The following RASGRP1 variants were observed in gnomAD, a reference collection of about 807,000 sequenced individuals.
RASGRP1 encodes the protein RAS guanyl releasing protein 1, also known as RAS guanyl-releasing protein 1.
RASGRP1 carries 37 observed loss-of-function variants against 95.1 expected under a neutral mutation model. The observed-to-expected ratio is 0.39, with a 90% CI of 0.30 to 0.51. The LOEUF is 0.51. Among genes scored for constraint, RASGRP1 ranks in the 20% least tolerant of loss-of-function variants. The pLI is 0.80. For missense variants in RASGRP1, 711 were observed against 965.4 expected (o/e 0.74, Z 3.49); for synonymous variants, 325 against 353.4 (o/e 0.92, Z 0.90).
chr15:38,500,184 T>C, intron 13 of RASGRP1, 45 bp from the exon 14 acceptor site: 7 of 1,598,326 alleles, frequency 4.4e-6, no homozygotes, highest in Non-Finnish European at 6.0e-6. Flanking sequence ...TTCATCCATC[T>C]GGTGTGAGGC....
At chr15:38,548,009 G>A (rs1183254419) in intron 2 of RASGRP1, among the ~76,000 whole-genome samples, 2 of 149,398 alleles carry the variant, frequency 1.3e-5, no homozygotes, top group Non-Finnish European at 3.0e-5. Flanking sequence ...TGGATACCCA[G>A]GAATTGAGCA....
chr15:38,511,351 C>T (rs1040280885), intron 8 of RASGRP1, among the ~76,000 whole-genome samples: 2 of 152,188 alleles, frequency 1.3e-5, no homozygotes, highest in Non-Finnish European at 2.9e-5. Context: ...GGAAGAGGCA[C>T]ACATTGTTTC....
chr15:38,554,161 C>A (rs1481657460), intron 2 of RASGRP1, among the ~76,000 whole-genome samples: 2 of 152,102 alleles, frequency 1.3e-5, no homozygotes, highest in Non-Finnish European at 2.9e-5. Context: ...AGAAAGAACG[C>A]GAACCTCGGG....
At chr15:38,507,684 CACAG>C in intron 9 of RASGRP1, 38 bp downstream of exon 9, 9 of 1,539,180 alleles carry the variant, frequency 5.8e-6, no homozygotes, top group Non-Finnish European at 7.9e-6. Flanking sequence ...GCACCTGGCA[CACAG>C]AAAGTGCTTA....
intron 15 of RASGRP1, among the ~76,000 whole-genome samples, chr15:38,496,952 C>T (rs1328152970): frequency 6.6e-6 from 1 of 152,144 alleles, no homozygotes; most frequent in Admixed American, 6.6e-5. Context: ...ACGATAGTGG[C>T]CTTACCACTT....
intron 2 of RASGRP1, among the ~76,000 whole-genome samples, chr15:38,543,693 A>G (rs548728078): frequency 4.5e-4 from 49 of 107,828 alleles, no homozygotes; most frequent in Non-Finnish European, 7.5e-4. Context: ...CCATCCAGTT[A>G]ATTTTTCTTT....
chr15:38,501,635 C>T (rs1891029359), intron 12 of RASGRP1, among the ~76,000 whole-genome samples: 1 of 152,190 alleles, frequency 6.6e-6, no homozygotes, highest in African/African-American at 2.4e-5. Context: ...TGACTTTAGA[C>T]AGTACCTAAC....
In RASGRP1 at chr15:38,548,308, A is replaced by G. The variant is rs574869335; in HGVS notation, c.220+11513T>C. ...TCGGGTGCAGTGGCTCATGCCTGTA[A>G]TCCCAATACTTTGGAAGGCTGAGGT... On this transcript the variant is annotated intron_variant, in intron 2 of 16. Coordinates refer to ENST00000310803, the MANE Select transcript of RASGRP1 (RefSeq NM_005739.4). Among the ~76,000 whole-genome samples, 9 of 152,286 alleles carry G rather than the reference A, an allele frequency of 5.9e-5. No homozygotes were observed. The South Asian group carries it at 1.9e-3, about 32-fold the overall frequency.
In RASGRP1 at chr15:38,516,723, T is replaced by C. The variant is rs549509372; in HGVS notation, c.522-373A>G. On this transcript the variant is annotated intron_variant, in intron 5 of 16. Coordinates refer to ENST00000310803, the MANE Select transcript of RASGRP1 (RefSeq NM_005739.4). ...ATTCTGCTTGTGTGTTCCTTCATTC[T>C]TGTGTGAATGATAGGGACTCTCTAT... 3.3e-5 allele frequency among the ~76,000 whole-genome samples: 5 copies of C among 151,938 alleles called. No homozygotes were observed. In the East Asian group the frequency reaches 5.8e-4, roughly 18 times the overall value.
chr15:38,535,831 T>C (rs1398852465), intron 2 of RASGRP1, among the ~76,000 whole-genome samples: 3 of 152,222 alleles, frequency 2.0e-5, no homozygotes, highest in African/African-American at 7.2e-5. Flanking sequence ...CTGGCCTTCC[T>C]TGGGGATTGC....
intron 8 of RASGRP1, among the ~76,000 whole-genome samples, chr15:38,509,285 G>A (rs548980031): frequency 6.6e-6 from 1 of 152,264 alleles, no homozygotes; most frequent in Non-Finnish European, 1.5e-5. Context: ...CAAAGTGAGA[G>A]TTACTTGAAC....
intron 8 of RASGRP1, among the ~76,000 whole-genome samples, chr15:38,508,968 G>A (rs1287651561): frequency 6.6e-6 from 1 of 152,168 alleles, no homozygotes; most frequent in Non-Finnish European, 1.5e-5. Context: ...TAACAAACCC[G>A]ATTGCTGTCA....
At chr15:38,519,823 C>T (rs1293448791) in intron 3 of RASGRP1, among the ~76,000 whole-genome samples, 1 of 143,942 alleles carries the variant, frequency 6.9e-6, no homozygotes, top group East Asian at 2.4e-4. Context: ...CACATGTATG[C>T]AGTGAATTCG....
At chr15:38,502,543 CAG>C in intron 11 of RASGRP1, 122 bp from the exon 12 acceptor site, 1 of 629,118 alleles carries the variant, frequency 1.6e-6, no homozygotes, top group Non-Finnish European at 2.8e-6. Flanking sequence ...ACGAGAGGAA[CAG>C]GGAAACCTGC....
At chr15:38,562,862 C>T (rs948908723) in intron 1 of RASGRP1, among the ~76,000 whole-genome samples, 4 of 152,136 alleles carry the variant, frequency 2.6e-5, no homozygotes, top group Non-Finnish European at 4.4e-5. Flanking sequence ...TAAGAGAAAC[C>T]GCTTTGTTTC....
At chr15:38,517,476 T>C (rs1891835220) in intron 5 of RASGRP1, among the ~76,000 whole-genome samples, 1 of 152,170 alleles carries the variant, frequency 6.6e-6, no homozygotes, top group Non-Finnish European at 1.5e-5. Context: ...TGGAATGTAA[T>C]CTTGAAATCA....
chr15:38,543,939 C>T (rs1233739637), intron 2 of RASGRP1, among the ~76,000 whole-genome samples: 1 of 152,000 alleles, frequency 6.6e-6, no homozygotes, highest in African/African-American at 2.4e-5. Flanking sequence ...CATTTTCCTG[C>T]TTCTTTTTCT....
At chr15:38,521,064 C>T (rs1891982734) in intron 3 of RASGRP1, among the ~76,000 whole-genome samples, 1 of 152,128 alleles carries the variant, frequency 6.6e-6, no homozygotes, top group Admixed American at 6.5e-5. Flanking sequence ...GTGCAGGGAA[C>T]TGGCAAACTT....
At chr15:38,530,510 C>T (rs1200873769) in intron 2 of RASGRP1, among the ~76,000 whole-genome samples, 2 of 152,332 alleles carry the variant, frequency 1.3e-5, no homozygotes, top group Admixed American at 1.3e-4. Flanking sequence ...ACAGTCTTTA[C>T]AGTGTACCCT....
Sources: allele counts gnomAD v4.1 joint callset (sites outside exome capture counted in the v4.1 genomes callset), GRCh38; gene constraint gnomAD v4.1.1; transcripts MANE v1.5; gene names NCBI Gene and HGNC (gene_info 2026-07-23, HGNC 2026-07-21).